The following ZSCAN5C variants were observed in gnomAD, a reference collection of about 807,000 sequenced individuals.
ZSCAN5C encodes the protein zinc finger and SCAN domain containing 5C.
ZSCAN5C carries 11 observed loss-of-function variants against 17.3 expected under a neutral mutation model. The observed-to-expected ratio is 0.64, with a 90% confidence interval of 0.40 to 1.06. The LOEUF (loss-of-function observed/expected upper bound fraction) is 1.06. Among genes scored for constraint, ZSCAN5C ranks in the 50% least tolerant of loss-of-function variants. ZSCAN5C has a pLI of 0.00. For missense variants in ZSCAN5C, 698 were observed against 538.9 expected, an observed-to-expected ratio of 1.30 and a Z score of -2.92; for synonymous variants, 229 against 208.4, an observed-to-expected ratio of 1.10 and a Z score of -0.85.
exon 5 of ZSCAN5C, chr19:56,208,896 G>C (rs767277406): frequency 6.3e-7 from 1 of 1,598,326 alleles, no homozygotes; most frequent in East Asian, 2.2e-5. Context: ...TTCATGCAGC[G>C]CATAGGCCTG....
At chr19:56,206,604 G>T (rs1599946921) in intron 2 of ZSCAN5C, among the ~76,000 whole-genome samples, 2 of 151,824 alleles carry the variant, frequency 1.3e-5, no homozygotes, top group East Asian at 3.9e-4. Flanking sequence ...GACAGGCAGA[G>T]GGGGTACAGG....
At chr19:56,206,488 C>T (rs561307121) in intron 2 of ZSCAN5C, among the ~76,000 whole-genome samples, 191 bp downstream of exon 2, 13 of 151,986 alleles carry the variant, frequency 8.6e-5, no homozygotes, top group Middle Eastern at 3.4e-3. Context: ...GGACAGGAGA[C>T]GCTGCTAAGC....
chr19:56,204,833 AGGGCTGT>A lies in ZSCAN5C; in HGVS notation c.-127-952_-127-946del, dbSNP rs2032904529. 2.0e-5 allele frequency among the ~76,000 whole-genome samples: 3 copies of A among 151,972 alleles called. 1 individual carries two copies. The highest frequency in any genetic ancestry group is 2.0e-4 in the Admixed American group (3 of 15,276). On this transcript the variant is annotated intron_variant, in intron 1 of 4. Transcript: ENST00000534327. ...TTCCCCCACCTGTGTCTAGGAAAGCAGGGCTGTGTTCTCATAGCTGTTGAACTTGGGT... is the reference window on the plus strand; with the variant it reads ...TTCCCCCACCTGTGTCTAGGAAAGCAGTTCTCATAGCTGTTGAACTTGGGT...
At chr19:56,208,814 G>C (rs749009777) in exon 5 of ZSCAN5C, 2 of 1,559,552 alleles carry the variant, frequency 1.3e-6, no homozygotes, top group South Asian at 1.1e-5. Context: ...TAAGTATCGC[G>C]GCAAGTTAGC....
Position 56,205,786 on chromosome 19 carries a change from G to C in ZSCAN5C, c.-127-1G>C. 1 of 585,218 alleles carries C rather than the reference G, an allele frequency of 1.7e-6. No individual in the cohort carries two copies. Among genetic ancestry groups the C allele is most frequent in the Non-Finnish European group, 3.0e-6 (1 of 329,266 alleles). The allele number at this position is 585,218 out of a possible 1,614,324, so 36.3% of individuals were successfully genotyped here. A position where few individuals can be genotyped will look rare whatever the true frequency, so the allele number is the denominator to read the frequency against. On this transcript the variant is annotated splice_acceptor_variant, in intron 1 of 4. Transcript: ENST00000534327. LOFTEE classifies it low-confidence loss of function (5UTR_SPLICE). ...AGAGCTCATGCTTTTTTTCCCTGCA[G>C]ACTTCTGAATGAACAGTGAATCTAT...
chr19:56,202,898 A>C (rs1265579954), intron 1 of ZSCAN5C, among the ~76,000 whole-genome samples: 1 of 151,970 alleles, frequency 6.6e-6, no homozygotes, highest in East Asian at 1.9e-4. Context: ...CCCTTTCCAC[A>C]GGGTAAAATC....
intron 3 of ZSCAN5C, 72 bp downstream of exon 3, chr19:56,207,334 A>G (rs1354810909): frequency 1.5e-6 from 1 of 663,930 alleles, no homozygotes; most frequent in Non-Finnish European, 2.8e-6. Flanking sequence ...TGGCCACTGG[A>G]CTGATTGAGA....
At chr19:56,208,871 C>T in exon 5 of ZSCAN5C, 1 of 1,589,290 alleles carries the variant, frequency 6.3e-7, no homozygotes, top group Non-Finnish European at 8.6e-7. Context: ...TCAGTGTAAT[C>T]TCTGCGGGAA....
chr19:56,205,800 C>A, exon 2 of ZSCAN5C: 1 of 592,288 alleles, frequency 1.7e-6, no homozygotes, highest in Non-Finnish European at 3.0e-6. Context: ...TCTGAATGAA[C>A]AGTGAATCTA....
At chr19:56,208,680 C>G (rs751714974) in exon 5 of ZSCAN5C, 1 of 1,612,618 alleles carries the variant, frequency 6.2e-7, no homozygotes, top group South Asian at 1.1e-5. Flanking sequence ...AACAGAGAAT[C>G]CCCGGGACAA....
exon 2 of ZSCAN5C, chr19:56,206,002 C>T (rs183089836): frequency 1.7e-5 from 28 of 1,601,074 alleles, no homozygotes; most frequent in Middle Eastern, 3.3e-4. Flanking sequence ...CCATCCCCAG[C>T]AACTCAACTT....
chr19:56,205,210 C>T (rs12709954), intron 1 of ZSCAN5C, among the ~76,000 whole-genome samples: 43,497 of 151,524 alleles, frequency 0.29, 6,528 homozygotes, highest in Middle Eastern at 0.52. Flanking sequence ...AATTGTTCAC[C>T]TGAAGAGGGT....
chr19:56,205,635 G>A (rs1030885215), intron 1 of ZSCAN5C, among the ~76,000 whole-genome samples, 152 bp from the exon 2 acceptor site: 21 of 151,848 alleles, frequency 1.4e-4, no homozygotes, highest in African/African-American at 5.1e-4. Flanking sequence ...GTCAGGTGTA[G>A]ACACTGGAAG....
At position 56,206,309 on chromosome 19, in the gene ZSCAN5C, C is replaced by T. The variant is rs1330204665; in HGVS notation, c.384+12C>T. On this transcript the variant is annotated intron_variant, in intron 2 of 4. Coordinates refer to ENST00000534327, the Ensembl canonical transcript of ZSCAN5C. ...GACCCAAGAAATGGGTGAGTGGGAC[C>T]CTCGTGATTGGTGCAGGGAAGGGGA... is the stretch of plus-strand genomic sequence containing the variant. The T allele has an allele frequency of 6.6e-7, 1 of 1,504,498 alleles. No individual in the cohort carries two copies. Among genetic ancestry groups the T allele is most frequent in the Non-Finnish European group, 8.9e-7 (1 of 1,118,038 alleles). The allele number at this position is 1,504,498 out of a possible 1,614,324, so 93.2% of individuals were successfully genotyped here. A position where few individuals can be genotyped will look rare whatever the true frequency, so the allele number is the denominator to read the frequency against.
intron 1 of ZSCAN5C, among the ~76,000 whole-genome samples, chr19:56,203,640 AT>A (rs564406569): frequency 0.078 from 6,766 of 86,912 alleles, 165 homozygotes; most frequent in East Asian, 0.22. Context: ...TCTACTGGGA[AT>A]TTTTTTTTTT....
chr19:56,204,651 TC>T (rs2032902792), intron 1 of ZSCAN5C, among the ~76,000 whole-genome samples: 1 of 151,854 alleles, frequency 6.6e-6, no homozygotes, highest in Non-Finnish European at 1.5e-5. Context: ...CTGGGTTGTC[TC>T]CCGCCTCTGC....
At chr19:56,203,754 A>G (rs2032894419) in intron 1 of ZSCAN5C, among the ~76,000 whole-genome samples, 1 of 145,100 alleles carries the variant, frequency 6.9e-6, no homozygotes, top group South Asian at 2.1e-4. Flanking sequence ...GGTTGAAGTG[A>G]TTCTCCTGCC....
chr19:56,202,709 A>G (rs1357995632), intron 1 of ZSCAN5C, among the ~76,000 whole-genome samples: 1 of 151,894 alleles, frequency 6.6e-6, no homozygotes, highest in African/African-American at 2.4e-5. Context: ...ACTTGCCACC[A>G]TGCCTGAATA....
chr19:56,208,591 G>C (rs762894293), exon 5 of ZSCAN5C: 6 of 1,597,398 alleles, frequency 3.8e-6, no homozygotes, highest in Middle Eastern at 3.3e-4. Flanking sequence ...CTCTGAATCT[G>C]AGAGGTCTCA....
Sources: gnomAD v4.1 joint callset for allele counts (sites outside exome capture counted in the v4.1 genomes callset) on GRCh38, gnomAD v4.1.1 for gene constraint, MANE v1.5 for transcripts, NCBI Gene and HGNC (gene_info 2026-07-23, HGNC 2026-07-21) for gene names.